HLCS: variants seen among roughly 807,000 people sequenced by gnomAD.
HLCS encodes the protein holocarboxylase synthetase, also known as biotin--protein ligase.
HLCS carries 53 observed loss-of-function variants against 75.0 expected under a neutral mutation model. The ratio of observed to expected loss-of-function variants is 0.71; its 90% CI spans 0.57 to 0.89. HLCS has a LOEUF of 0.89. Ranked by LOEUF, HLCS falls within the 40% of genes least tolerant of loss-of-function variation. HLCS has a pLI of 0.00. For missense variants in HLCS, 966 were observed against 1,074.0 expected (o/e 0.90, Z 1.41); for synonymous variants, 431 against 428.6 (o/e 1.01, Z -0.07).
At chr21:36,871,419 A>G (rs2835518) in intron 6 of HLCS, among the ~76,000 whole-genome samples, 49,028 of 152,022 alleles carry the variant, frequency 0.32, 8,239 homozygotes, top group Middle Eastern at 0.46. Context: ...AGAAAATTGC[A>G]CACATTTAAA....
intron 1 of HLCS, among the ~76,000 whole-genome samples, chr21:36,987,246 A>G (rs2069244993): frequency 6.6e-6 from 1 of 152,222 alleles, no homozygotes; most frequent in Non-Finnish European, 1.5e-5. Context: ...GGCATGAGGA[A>G]TGCTCATTGC....
chr21:36,967,582 GA>G (rs1384460782), upstream of HLCS, among the ~76,000 whole-genome samples: 1 of 152,222 alleles, frequency 6.6e-6, no homozygotes, highest in Non-Finnish European at 1.5e-5. Flanking sequence ...ATTATGTAAA[GA>G]ACGTGTTCTG....
At chr21:36,862,072 C>G (rs1490953607) in intron 6 of HLCS, among the ~76,000 whole-genome samples, 1 of 152,206 alleles carries the variant, frequency 6.6e-6, no homozygotes, top group Non-Finnish European at 1.5e-5. Flanking sequence ...TGACTTCTTT[C>G]ATTTTAGCAT....
At chr21:36,857,439 C>T (rs767133585) in intron 6 of HLCS, among the ~76,000 whole-genome samples, 17 of 152,178 alleles carry the variant, frequency 1.1e-4, no homozygotes, top group African/African-American at 2.7e-4. Flanking sequence ...AGTCCTATTC[C>T]GAAGAGGTTC....
At chr21:36,896,804 G>C (rs932719132) in intron 6 of HLCS, 56 bp downstream of exon 6, 3 of 1,588,306 alleles carry the variant, frequency 1.9e-6, no homozygotes, top group East Asian at 2.2e-5. Flanking sequence ...TGGTAAGAGA[G>C]GATGATCAAT....
At chr21:36,802,290 G>T (rs1169823925) in intron 6 of HLCS, among the ~76,000 whole-genome samples, 1 of 152,188 alleles carries the variant, frequency 6.6e-6, no homozygotes, top group Non-Finnish European at 1.5e-5. Context: ...GGCCAGGCCT[G>T]GAAGAAGCGT....
chr21:36,899,741 G>A (rs553134035), intron 5 of HLCS, among the ~76,000 whole-genome samples: 1 of 152,240 alleles, frequency 6.6e-6, no homozygotes, highest in South Asian at 2.1e-4. Context: ...AGGCTCTGAG[G>A]ACGGAGCAAT....
chr21:36,758,688 T>C (rs753623029), intron 9 of HLCS, among the ~76,000 whole-genome samples: 6 of 151,970 alleles, frequency 3.9e-5, no homozygotes, highest in Admixed American at 1.3e-4. Context: ...CACTTAAAGA[T>C]AGGAAATGGG....
chr21:36,873,735 G>A (rs550470916), intron 6 of HLCS, among the ~76,000 whole-genome samples: 17 of 152,088 alleles, frequency 1.1e-4, no homozygotes, highest in Non-Finnish European at 2.2e-4. Context: ...GGGCAACTGG[G>A]ACCACAGGCA....
At chr21:36,932,130 T>A (rs1241496103) in intron 4 of HLCS, among the ~76,000 whole-genome samples, 1 of 152,222 alleles carries the variant, frequency 6.6e-6, no homozygotes, top group Non-Finnish European at 1.5e-5. Flanking sequence ...CCCACCATGC[T>A]GAACTGAAAT....
At chr21:36,862,689 G>A (rs1375752830) in intron 6 of HLCS, among the ~76,000 whole-genome samples, 1 of 152,118 alleles carries the variant, frequency 6.6e-6, no homozygotes, top group African/African-American at 2.4e-5. Context: ...ATGTGGTGTG[G>A]TCGCCTGTCT....
chr21:36,987,740 T>G (rs2069253908), intron 1 of HLCS, among the ~76,000 whole-genome samples: 1 of 152,216 alleles, frequency 6.6e-6, no homozygotes, highest in South Asian at 2.1e-4. Context: ...AGCTCTTCTT[T>G]GCCTTCCTTC....
chr21:36,924,509 G>C (rs945735708), intron 5 of HLCS, among the ~76,000 whole-genome samples: 1 of 152,150 alleles, frequency 6.6e-6, no homozygotes, highest in African/African-American at 2.4e-5. Context: ...GCAGTGAGCA[G>C]AGATTGCACC....
rs555321706 is a variant in HLCS, at chr21:36,809,973, G to A, written c.1893-42688C>T. 4.6e-5 allele frequency among the ~76,000 whole-genome samples: 7 copies of A among 152,296 alleles called. No individual in the cohort carries two copies. In the South Asian group the frequency reaches 1.2e-3, roughly 27 times the overall value. On this transcript the variant is annotated intron_variant, in intron 6 of 10. Transcript: ENST00000674895. Reference sequence around the variant, plus strand: ...AGGCTGGTCTCAGACTCTGAGGTGGGCTCAAGCAATATGCCCACCCCAGCT... The same window carrying A: ...AGGCTGGTCTCAGACTCTGAGGTGGACTCAAGCAATATGCCCACCCCAGCT...
At position 36,842,776 on chromosome 21, in the gene HLCS, T is replaced by C. The variant is rs1490406228; in HGVS notation, c.1892+54084A>G. On this transcript the variant is annotated intron_variant, in intron 6 of 10. Transcript: ENST00000674895. This position sits in a 1 kb window ranked among gnomAD's most constrained non-coding sequence, Gnocchi z 4.2. ...AAACAACAACCAAAAAAACTATCTT[T>C]ATTATTGATAAAACAATTCAAGGCC... 1.3e-5 allele frequency among the ~76,000 whole-genome samples: 2 copies of C among 152,068 alleles called. No individual in the cohort carries two copies. Among genetic ancestry groups the C allele is most frequent in the Non-Finnish European group, 2.9e-5 (2 of 68,002 alleles).
intron 2 of HLCS, among the ~76,000 whole-genome samples, chr21:36,960,506 T>C (rs1365464632): frequency 1.3e-5 from 2 of 152,222 alleles, no homozygotes; most frequent in Admixed American, 6.5e-5. Context: ...CAGGCCCATC[T>C]GCCTGATGCT....
At chr21:36,833,174 C>A (rs1314713523) in intron 6 of HLCS, among the ~76,000 whole-genome samples, 1 of 151,764 alleles carries the variant, frequency 6.6e-6, no homozygotes, top group African/African-American at 2.4e-5. Context: ...GCACATGCCA[C>A]CATGCCTAGC....
intron 6 of HLCS, among the ~76,000 whole-genome samples, chr21:36,825,705 C>T (rs545429189): frequency 6.6e-6 from 1 of 152,196 alleles, no homozygotes; most frequent in African/African-American, 2.4e-5. Context: ...CACCTGCAGG[C>T]CACATATGCA....
At chr21:36,776,042 T>TA (rs2060348182) in intron 6 of HLCS, among the ~76,000 whole-genome samples, 1 of 152,220 alleles carries the variant, frequency 6.6e-6, no homozygotes, top group Non-Finnish European at 1.5e-5. Flanking sequence ...ACCACTGCTA[T>TA]AAAGCCACAT....
Sources: gnomAD v4.1 joint callset for allele counts (sites outside exome capture counted in the v4.1 genomes callset) on GRCh38, gnomAD v4.1.1 for gene constraint, Gnocchi (gnomAD v3.1) non-coding constraint, MANE v1.5 for transcripts, NCBI Gene and HGNC (gene_info 2026-07-23, HGNC 2026-07-21) for gene names.